The following UGCG variants were observed in gnomAD, a reference collection of about 807,000 sequenced individuals.
UGCG encodes the protein UDP-glucose ceramide glucosyltransferase.
A neutral mutation model predicts 49.5 loss-of-function variants in UGCG; 10 were observed. The ratio of observed to expected loss-of-function variants is 0.20; its 90% CI spans 0.12 to 0.34. The LOEUF is 0.34. Among genes scored for constraint, UGCG ranks in the 10% least tolerant of loss-of-function variants. The pLI, the probability that UGCG is intolerant of heterozygous loss-of-function variation, is 1.00. For synonymous variants in UGCG, 182 were observed against 158.2 expected (o/e 1.15, Z -1.13); for missense variants, 312 against 483.7 (o/e 0.65, Z 3.33).
At chr9:111,905,533 G>A (rs1837865637) in intron 1 of UGCG, among the ~76,000 whole-genome samples, 1 of 151,258 alleles carries the variant, frequency 6.6e-6, no homozygotes, top group Admixed American at 6.6e-5. Flanking sequence ...TTGGCTCACT[G>A]CAACCTCTGC....
In UGCG at chr9:111,921,253, A is replaced by G. The variant is rs536073298; in HGVS notation, c.241-1596A>G. Among the ~76,000 whole-genome samples, 8 of 152,272 alleles carry G rather than the reference A, an allele frequency of 5.3e-5. No homozygotes were observed. In the South Asian group the frequency reaches 1.7e-3, roughly 32 times the overall value. On this transcript the variant is annotated intron_variant, in intron 2 of 8. Transcript: ENST00000374279. ...TGGTAGGAAATTTCTTCATTGAGTCAACATGAATTTATTACCACTTCTGGG... is the reference window on the plus strand; with the variant it reads ...TGGTAGGAAATTTCTTCATTGAGTCGACATGAATTTATTACCACTTCTGGG...
At chr9:111,918,706 G>A (rs1838155011) in intron 2 of UGCG, among the ~76,000 whole-genome samples, 2 of 152,094 alleles carry the variant, frequency 1.3e-5, no homozygotes, top group African/African-American at 2.4e-5. Flanking sequence ...GGCCGAGGCG[G>A]GCGGATCACG....
At chr9:111,916,886 T>A (rs1038139377) in intron 2 of UGCG, among the ~76,000 whole-genome samples, 1 of 151,964 alleles carries the variant, frequency 6.6e-6, no homozygotes, top group African/African-American at 2.4e-5. Flanking sequence ...GGCTTGTGCT[T>A]GTAATCCTAG....
intron 2 of UGCG, 108 bp downstream of exon 2, chr9:111,914,854 A>G (rs984878287): frequency 2.8e-6 from 4 of 1,445,758 alleles, no homozygotes; most frequent in Non-Finnish European, 3.7e-6. Context: ...TTAAAAATTC[A>G]TGATGATATT....
intron 2 of UGCG, among the ~76,000 whole-genome samples, chr9:111,920,942 G>T (rs370055581): frequency 6.6e-6 from 1 of 151,212 alleles, no homozygotes. Flanking sequence ...TCGCTCTGTC[G>T]CCCAGGCTGG....
intron 2 of UGCG, among the ~76,000 whole-genome samples, chr9:111,920,933 C>G (rs1478729282): frequency 6.7e-6 from 1 of 150,230 alleles, no homozygotes; most frequent in Non-Finnish European, 1.5e-5. Flanking sequence ...GATGGAGTCT[C>G]GCTCTGTCGC....
At chr9:111,927,491 G>C (rs575485332) in intron 5 of UGCG, among the ~76,000 whole-genome samples, 2,777 of 151,020 alleles carry the variant, frequency 0.018, 35 homozygotes, top group Non-Finnish European at 0.029. Flanking sequence ...TCGCTCTGTC[G>C]CCCAGGCTGG....
chr9:111,915,571 G>A (rs943404615), intron 2 of UGCG, among the ~76,000 whole-genome samples: 3 of 152,014 alleles, frequency 2.0e-5, no homozygotes, highest in Non-Finnish European at 2.9e-5. Flanking sequence ...TTCCCTTTGC[G>A]GTCTCTATTC....
At chr9:111,918,711 A>T (rs1302235233) in intron 2 of UGCG, among the ~76,000 whole-genome samples, 1 of 152,142 alleles carries the variant, frequency 6.6e-6, no homozygotes, top group African/African-American at 2.4e-5. Flanking sequence ...AGGCGGGCGG[A>T]TCACGAGGTC....
At chr9:111,927,533 G>C (rs1033110549) in intron 5 of UGCG, among the ~76,000 whole-genome samples, 5 of 151,736 alleles carry the variant, frequency 3.3e-5, no homozygotes, top group African/African-American at 4.8e-5. Context: ...CTCACTGCAA[G>C]CTCCGCCTCC....
intron 4 of UGCG, among the ~76,000 whole-genome samples, chr9:111,925,855 T>C (rs757135839): frequency 1.7e-4 from 26 of 152,374 alleles, no homozygotes; most frequent in African/African-American, 4.6e-4. Context: ...TGGTCAGAGA[T>C]GATGTTCATT....
chr9:111,917,683 T>A (rs1430906550), intron 2 of UGCG, among the ~76,000 whole-genome samples: 2 of 152,246 alleles, frequency 1.3e-5, no homozygotes, highest in Non-Finnish European at 2.9e-5. Flanking sequence ...TGCTCTGAAT[T>A]TCTAGGTTTC....
chr9:111,928,079 A>C lies in UGCG; in HGVS notation c.559-1421A>C, dbSNP rs117789077. Reference sequence around the variant, plus strand: ...GTGATTTCAGTCTTTAAATATGTCAACTTGCTCTTAAGCATATCTGCATTT... The same window carrying C: ...GTGATTTCAGTCTTTAAATATGTCACCTTGCTCTTAAGCATATCTGCATTT... On this transcript the variant is annotated intron_variant, in intron 5 of 8. Coordinates refer to ENST00000374279, the MANE Select transcript of UGCG (RefSeq NM_003358.3). Among the ~76,000 whole-genome samples, 72 of 152,302 alleles carry C rather than the reference A, an allele frequency of 4.7e-4. No homozygotes were observed. The East Asian group carries it at 8.5e-3, about 18-fold the overall frequency.
At chr9:111,924,756 A>G (rs769526925) in intron 3 of UGCG, 21 bp from the exon 4 acceptor site, 2 of 1,335,612 alleles carry the variant, frequency 1.5e-6, no homozygotes, top group Admixed American at 2.4e-5. Context: ...ATCTTTTACT[A>G]CTGTACCTTT....
Position 111,916,977 on chromosome 9 carries a change from C to T in UGCG, c.240+2231C>T, listed in dbSNP as rs79648151. Among the ~76,000 whole-genome samples the T allele has an allele frequency of 4.6e-5, 7 of 151,450 alleles. No homozygotes were observed. In the East Asian group the frequency reaches 1.4e-3, roughly 30 times the overall value. On this transcript the variant is annotated intron_variant, in intron 2 of 8. Coordinates refer to ENST00000374279, the MANE Select transcript of UGCG (RefSeq NM_003358.3). ...CTGGGCAACACAGTGAGACCCCCAC[C>T]TTCAAAAAAATAAAAATTAAAAAAT...
intron 1 of UGCG, among the ~76,000 whole-genome samples, chr9:111,912,176 T>C (rs915231488): frequency 1.3e-5 from 2 of 151,650 alleles, no homozygotes; most frequent in East Asian, 1.9e-4. Context: ...TGATTACTTT[T>C]GTGGTTATAT....
chr9:111,918,011 A>AT (rs34969837), intron 2 of UGCG, among the ~76,000 whole-genome samples: 417 of 150,916 alleles, frequency 2.8e-3, no homozygotes, highest in Middle Eastern at 3.4e-3. Context: ...CATAACTATG[A>AT]TTTTTTTTTC....
chr9:111,921,706 T>A (rs891869648), intron 2 of UGCG, among the ~76,000 whole-genome samples: 1 of 151,506 alleles, frequency 6.6e-6, no homozygotes, highest in Non-Finnish European at 1.5e-5. Flanking sequence ...TTCAGGATTT[T>A]ATAAATCTGG....
At chr9:111,897,444 T>G in intron 1 of UGCG, 131 bp downstream of exon 1, 2 of 666,108 alleles carry the variant, frequency 3.0e-6, no homozygotes, top group Non-Finnish European at 5.0e-6. Context: ...CGTCAGGCTG[T>G]TCCCCCCGTT....
Sources: gnomAD v4.1 joint callset for allele counts (sites outside exome capture counted in the v4.1 genomes callset) on GRCh38, gnomAD v4.1.1 for gene constraint, MANE v1.5 for transcripts, NCBI Gene and HGNC (gene_info 2026-07-23, HGNC 2026-07-21) for gene names.